The following TAFA5 variants were observed in gnomAD, a reference collection of about 807,000 sequenced individuals.
TAFA5 encodes the protein chemokine-like protein TAFA-5.
TAFA5 carries 6 observed loss-of-function variants against 15.3 expected under a neutral mutation model. The ratio of observed to expected loss-of-function variants is 0.39; its 90% confidence interval spans 0.21 to 0.77. The LOEUF (loss-of-function observed/expected upper bound fraction) is 0.77. Among genes scored for constraint, TAFA5 ranks in the 30% least tolerant of loss-of-function variants. The pLI is 0.41. For synonymous variants in TAFA5, 103 were observed against 80.7 expected (o/e 1.28, Z -1.48); for missense variants, 161 against 193.1 (o/e 0.83, Z 0.98).
At chr22:48,520,532 C>T (rs1000475692) in intron 1 of TAFA5, among the ~76,000 whole-genome samples, 6 of 152,250 alleles carry the variant, frequency 3.9e-5, no homozygotes, top group Non-Finnish European at 7.3e-5. Context: ...GGAGTGGCCC[C>T]TGCACCCAGC....
chr22:48,535,870 A>G (rs918804764), intron 1 of TAFA5, among the ~76,000 whole-genome samples: 3 of 151,640 alleles, frequency 2.0e-5, no homozygotes, highest in Admixed American at 6.6e-5. Context: ...CGGCACATGT[A>G]TGAGCACTCG....
At position 48,647,510 on chromosome 22, in the gene TAFA5, C is replaced by T. The variant is rs1022705172; in HGVS notation, c.262+764C>T. Among the ~76,000 whole-genome samples the T allele has an allele frequency of 1.4e-4, 21 of 152,126 alleles. 2 individuals are homozygous for T. The highest frequency in any genetic ancestry group is 1.2e-3 in the Admixed American group (19 of 15,276). ...AAGACCACTGGTGACCAGCTAAGTT[C>T]AGGGGACAGCATGAGACCTGGGAAC... On this transcript the variant is annotated intron_variant, in intron 2 of 3. Transcript: ENST00000402357.
intron 2 of TAFA5, among the ~76,000 whole-genome samples, chr22:48,648,477 G>T (rs1926942896): frequency 6.6e-6 from 1 of 152,188 alleles, no homozygotes; most frequent in South Asian, 2.1e-4. Context: ...GAGAAGGGAT[G>T]GGGCGTACAG....
At chr22:48,741,047 C>A (rs915426055) in intron 3 of TAFA5, among the ~76,000 whole-genome samples, 3 of 152,144 alleles carry the variant, frequency 2.0e-5, no homozygotes, top group Non-Finnish European at 1.5e-5. Flanking sequence ...GGAGACCCAG[C>A]GTCCCCGAGG....
At chr22:48,511,501 A>ACCT (rs1921209221) in intron 1 of TAFA5, among the ~76,000 whole-genome samples, 1 of 152,222 alleles carries the variant, frequency 6.6e-6, no homozygotes, top group African/African-American at 2.4e-5. Context: ...TCCTTCAGTC[A>ACCT]GCGCCACACT....
intron 1 of TAFA5, among the ~76,000 whole-genome samples, chr22:48,528,023 A>G (rs1319712605): frequency 6.6e-6 from 1 of 152,242 alleles, no homozygotes; most frequent in Non-Finnish European, 1.5e-5. Flanking sequence ...AGGGCACCAG[A>G]CAGGCAGATG....
intron 1 of TAFA5, among the ~76,000 whole-genome samples, chr22:48,599,963 C>T (rs896822330): frequency 2.6e-5 from 4 of 152,152 alleles, no homozygotes; most frequent in South Asian, 2.1e-4. Flanking sequence ...GCCTCGATTC[C>T]CTCTTGGCCT....
At chr22:48,513,332 C>T (rs1016654391) in intron 1 of TAFA5, among the ~76,000 whole-genome samples, 1 of 152,198 alleles carries the variant, frequency 6.6e-6, no homozygotes, top group South Asian at 2.1e-4. Flanking sequence ...TGTTACAGGC[C>T]GTTTTGCTTC....
chr22:48,537,383 C>T (rs1360037126), intron 1 of TAFA5, among the ~76,000 whole-genome samples: 1 of 152,216 alleles, frequency 6.6e-6, no homozygotes, highest in Non-Finnish European at 1.5e-5. Flanking sequence ...CCCACTCCTC[C>T]ATCCACTCTA....
chr22:48,723,276 G>T (rs1369949302), intron 3 of TAFA5, among the ~76,000 whole-genome samples: 3 of 152,188 alleles, frequency 2.0e-5, no homozygotes, highest in Admixed American at 1.3e-4. Flanking sequence ...TGGCATGGGC[G>T]CTTGTTAAAG....
rs1930468765 is a variant in TAFA5 at position 48,750,879 on chromosome 22, A to G, written c.*1032A>G. 6.6e-6 allele frequency: 1 copy of G among 152,552 alleles called. No individual in the cohort carries two copies. The highest frequency in any genetic ancestry group is 6.5e-5 in the Admixed American group (1 of 15,288). The allele number at this position is 152,552 out of a possible 1,614,324, so 9.4% of individuals were successfully genotyped here. A position where few individuals can be genotyped will look rare whatever the true frequency, so the allele number is the denominator to read the frequency against. On this transcript the variant is annotated 3_prime_UTR_variant, in exon 4 of 4. Transcript: ENST00000402357. Reference sequence around the variant, plus strand: ...ATATTTGTAGAAAATCCTATTTAACAATTAACGTGGCAGTCCCGGCCGTCC... The same window carrying G: ...ATATTTGTAGAAAATCCTATTTAACGATTAACGTGGCAGTCCCGGCCGTCC...
chr22:48,493,165 A>G (rs6007866), intron 1 of TAFA5, among the ~76,000 whole-genome samples: 6,550 of 152,232 alleles, frequency 0.043, 479 homozygotes, highest in African/African-American at 0.15. Flanking sequence ...AAGGTGAAGG[A>G]CACTCTGCAC....
Position 48,551,959 on chromosome 22 carries a change from A to G in TAFA5, c.112+62255A>G, listed in dbSNP as rs573638965. On this transcript the variant is annotated intron_variant, in intron 1 of 3. Transcript: ENST00000402357. ...GGTGGGAGTTGGGAGCCCTGTGGAA[A>G]ACTGATTGAGAGCACGGGCTCCTGC... 2.0e-5 allele frequency among the ~76,000 whole-genome samples: 3 copies of G among 152,252 alleles called. No individual in the cohort carries two copies. In the East Asian group the frequency reaches 5.8e-4, roughly 29 times the overall value.
At chr22:48,561,689 A>G (rs1601580560) in intron 1 of TAFA5, among the ~76,000 whole-genome samples, 1 of 152,184 alleles carries the variant, frequency 6.6e-6, no homozygotes, top group East Asian at 1.9e-4. Flanking sequence ...CGCGATGCCC[A>G]TTGGGGGTCA....
chr22:48,643,926 G>A (rs935152481), intron 1 of TAFA5, among the ~76,000 whole-genome samples: 1 of 152,244 alleles, frequency 6.6e-6, no homozygotes, highest in Non-Finnish European at 1.5e-5. Flanking sequence ...TAACACAGCA[G>A]CTGGGGACCA....
chr22:48,674,133 G>C (rs940958594), intron 2 of TAFA5, among the ~76,000 whole-genome samples: 1 of 152,128 alleles, frequency 6.6e-6, no homozygotes, highest in Non-Finnish European at 1.5e-5. Flanking sequence ...ATTGCCCTCC[G>C]CCCTTCCTCC....
chr22:48,591,805 T>C (rs565728952), intron 1 of TAFA5, among the ~76,000 whole-genome samples: 28 of 152,234 alleles, frequency 1.8e-4, no homozygotes, highest in East Asian at 9.7e-4. Context: ...GGCACTGGGC[T>C]CGCGGAAGCC....
At chr22:48,533,361 A>T (rs555083767) in intron 1 of TAFA5, among the ~76,000 whole-genome samples, 1 of 152,164 alleles carries the variant, frequency 6.6e-6, no homozygotes, top group South Asian at 2.1e-4. Context: ...GCAGAAGGCG[A>T]CCCCAGCACA....
chr22:48,630,831 G>A (rs1210883669), intron 1 of TAFA5, among the ~76,000 whole-genome samples: 1 of 152,138 alleles, frequency 6.6e-6, no homozygotes, highest in Admixed American at 6.5e-5. Flanking sequence ...AAACCAGCCA[G>A]CCAGGCCCCC....
Sources: allele counts gnomAD v4.1 joint callset (sites outside exome capture counted in the v4.1 genomes callset), GRCh38; gene constraint gnomAD v4.1.1; transcripts MANE v1.5; gene names NCBI Gene and HGNC (gene_info 2026-07-23, HGNC 2026-07-21).